Variants in FSTL5 observed in about 807,000 individuals in gnomAD.
FSTL5 encodes follistatin-related protein 5.
FSTL5 carries 62 observed loss-of-function variants against 89.1 expected under a neutral mutation model. The ratio of observed to expected loss-of-function variants is 0.70; its 90% confidence interval spans 0.57 to 0.86. FSTL5 has a LOEUF of 0.86. FSTL5 is among the 40% of genes least tolerant of loss of function. The pLI, the probability that FSTL5 is intolerant of heterozygous loss-of-function variation, is 0.00. For synonymous variants in FSTL5, 383 were observed against 346.2 expected (o/e 1.11, Z -1.18); for missense variants, 1,057 against 1,001.6 (o/e 1.06, Z -0.75).
At position 161,587,568 on chromosome 4, in the gene FSTL5, C is replaced by T. The variant is rs183247057; in HGVS notation, c.902G>A (p.Gly301Glu). 44 of 1,594,742 alleles carry T rather than the reference C, an allele frequency of 2.8e-5. No individual in the cohort carries two copies. The Admixed American group carries it at 7.5e-4, about 27-fold the overall frequency. The change falls in exon 8 of 16, where the codon GGA becomes GAA. Residue 301 changes from glycine (G) to glutamate (E), a missense_variant. By Grantham distance (98) the Gly-to-Glu change is moderately conservative. Coordinates refer to ENST00000306100, the MANE Select transcript of FSTL5 (RefSeq NM_020116.5). ...NLDLEDINDFGDDGSLYITKV... is the reference protein window; with the variant it reads ...NLDLEDINDFEDDGSLYITKV... ...AGTAATATACAAGGACCCATCATCT[C>T]CAAAGTCCTATTAAAAATAAAATAA...
intron 6 of FSTL5, among the ~76,000 whole-genome samples, chr4:161,708,612 T>C (rs1382723586): frequency 6.6e-6 from 1 of 152,076 alleles, no homozygotes; most frequent in Non-Finnish European, 1.5e-5. Flanking sequence ...ATAAATTATT[T>C]TAAAAATTTT....
At chr4:162,069,965 A>G (rs1231973968) in intron 2 of FSTL5, among the ~76,000 whole-genome samples, 2 of 151,844 alleles carry the variant, frequency 1.3e-5, no homozygotes, top group African/African-American at 4.8e-5. Context: ...AGCTTCCATA[A>G]TATTTTCCAT....
At chr4:162,006,103 T>C (rs201358870) in intron 3 of FSTL5, among the ~76,000 whole-genome samples, 2 of 151,914 alleles carry the variant, frequency 1.3e-5, no homozygotes, top group Admixed American at 1.3e-4. Context: ...AGGCTTTTTT[T>C]TTAAAATATT....
chr4:162,068,717 A>G (rs926325232), intron 2 of FSTL5, among the ~76,000 whole-genome samples: 1 of 152,124 alleles, frequency 6.6e-6, no homozygotes, highest in African/African-American at 2.4e-5. Flanking sequence ...AATTAAACTA[A>G]AGAGCTTATG....
At chr4:161,949,532 T>C (rs768822556) in intron 3 of FSTL5, among the ~76,000 whole-genome samples, 7 of 152,102 alleles carry the variant, frequency 4.6e-5, no homozygotes, top group Non-Finnish European at 8.8e-5. Context: ...TTTAAAAATC[T>C]TGGCAATTAT....
chr4:161,953,104 C>CT (rs1454463378), intron 3 of FSTL5, among the ~76,000 whole-genome samples: 17 of 151,586 alleles, frequency 1.1e-4, no homozygotes, highest in Non-Finnish European at 2.1e-4. Flanking sequence ...TATTTTAGTT[C>CT]TTTTTCTCCC....
chr4:162,083,709 C>T (rs2111339540), intron 2 of FSTL5, among the ~76,000 whole-genome samples: 1 of 151,822 alleles, frequency 6.6e-6, no homozygotes, highest in East Asian at 1.9e-4. Context: ...ATCAAAACAT[C>T]AATTTATAAT....
At chr4:161,444,028 G>C (rs1732863908) in intron 15 of FSTL5, among the ~76,000 whole-genome samples, 1 of 151,832 alleles carries the variant, frequency 6.6e-6, no homozygotes, top group South Asian at 2.1e-4. Flanking sequence ...AGCAAAATAA[G>C]ACAAAAATCT....
chr4:161,395,471 A>G (rs947067188), intron 15 of FSTL5, among the ~76,000 whole-genome samples: 3 of 152,126 alleles, frequency 2.0e-5, no homozygotes, highest in Admixed American at 6.5e-5. Flanking sequence ...ATAGAAATCT[A>G]TCATATTCCT....
chr4:161,576,383 C>T (rs1560961647), intron 8 of FSTL5, among the ~76,000 whole-genome samples: 1 of 152,076 alleles, frequency 6.6e-6, no homozygotes, highest in Non-Finnish European at 1.5e-5. Context: ...GCAAAAAGAA[C>T]AAAGCTGGAG....
chr4:161,924,449 A>G (rs1578864484), intron 3 of FSTL5, among the ~76,000 whole-genome samples: 1 of 151,576 alleles, frequency 6.6e-6, no homozygotes, highest in East Asian at 1.9e-4. Flanking sequence ...ATAAACTTTA[A>G]TTTTAATAAT....
intron 4 of FSTL5, among the ~76,000 whole-genome samples, chr4:161,804,887 T>C (rs1265383136): frequency 1.3e-5 from 2 of 152,052 alleles, no homozygotes; most frequent in Non-Finnish European, 2.9e-5. Flanking sequence ...CTCAGCCCCC[T>C]GGAAATGCTG....
intron 8 of FSTL5, among the ~76,000 whole-genome samples, chr4:161,584,844 G>T (rs1420798329): frequency 6.6e-6 from 1 of 152,118 alleles, no homozygotes; most frequent in Non-Finnish European, 1.5e-5. Flanking sequence ...TACCAAGATA[G>T]TCAGAGCAAT....
rs181837250 is a variant in FSTL5, at chr4:161,509,360, C to T, written c.1339+1038G>A. 5.9e-4 allele frequency among the ~76,000 whole-genome samples: 90 copies of T among 151,986 alleles called. 1 individual carries two copies. The highest frequency in any genetic ancestry group is 2.1e-3 in the African/African-American group (85 of 41,456). On this transcript the variant is annotated intron_variant, in intron 11 of 15. Coordinates refer to ENST00000306100, the MANE Select transcript of FSTL5 (RefSeq NM_020116.5). Reference sequence around the variant, plus strand: ...GATATGTCAAGGCTACTTTCATTAACGAGTGAATTATGTACATTTAAAGGT... The same window carrying T: ...GATATGTCAAGGCTACTTTCATTAATGAGTGAATTATGTACATTTAAAGGT...
intron 6 of FSTL5, among the ~76,000 whole-genome samples, chr4:161,680,289 G>A (rs143658909): frequency 1.3e-5 from 2 of 151,760 alleles, no homozygotes; most frequent in Admixed American, 1.3e-4. Context: ...CCTGAGCTCT[G>A]AATCTACTTA....
intron 2 of FSTL5, among the ~76,000 whole-genome samples, chr4:162,090,512 A>G (rs962212070): frequency 5.3e-5 from 8 of 152,124 alleles, no homozygotes; most frequent in Non-Finnish European, 8.8e-5. Flanking sequence ...TAAGCATTAG[A>G]GGAATGCCCA....
Position 161,939,617 on chromosome 4 carries a change from G to A in FSTL5, c.161-18965C>T, listed in dbSNP as rs145919260. 7.5e-3 allele frequency among the ~76,000 whole-genome samples: 1,135 copies of A among 151,942 alleles called. 19 individuals carry two copies. The highest frequency in any genetic ancestry group is 0.024 in the African/African-American group (1,013 of 41,502). ...ATCAAATAATGAGAAGGACTGTAGA[G>A]GAAGAATTGATTTTTGTTACAAAAG... On this transcript the variant is annotated intron_variant, in intron 3 of 15. Transcript: ENST00000306100.
chr4:162,058,817 T>C (rs1016680812), intron 2 of FSTL5, among the ~76,000 whole-genome samples: 1 of 152,170 alleles, frequency 6.6e-6, no homozygotes, highest in Admixed American at 6.6e-5. Context: ...GAGGATATAG[T>C]ACTTGCTCTG....
chr4:161,517,782 T>C (rs1417950697), intron 10 of FSTL5, among the ~76,000 whole-genome samples: 3 of 137,968 alleles, frequency 2.2e-5, no homozygotes, highest in Non-Finnish European at 3.4e-5. Context: ...GTTTTCACCA[T>C]TGCAAATCAT....
Sources: gnomAD v4.1 joint callset for allele counts (sites outside exome capture counted in the v4.1 genomes callset) on GRCh38, gnomAD v4.1.1 for gene constraint, MANE v1.5 for transcripts, NCBI Gene and HGNC (gene_info 2026-07-23, HGNC 2026-07-21) for gene names.